AP5Z1: variants seen among roughly 807,000 people sequenced by gnomAD.
The protein encoded by AP5Z1 is AP-5 complex subunit zeta-1.
Under a neutral mutation model 83.0 loss-of-function variants are expected in AP5Z1, and 106 were observed. The observed-to-expected ratio is 1.28, with a 90% confidence interval of 1.09 to 1.50. The LOEUF is 1.50. AP5Z1 is among the 40% of genes most tolerant of loss of function. The pLI, the probability that AP5Z1 is intolerant of heterozygous loss-of-function variation, is 0.00. For missense variants in AP5Z1, 1,565 were observed against 1,094.2 expected, an observed-to-expected ratio of 1.43 and a Z score of -6.07; for synonymous variants, 751 against 514.1, an observed-to-expected ratio of 1.46 and a Z score of -6.23.
chr7:4,787,260 A>G (rs1321167209), intron 10 of AP5Z1, among the ~76,000 whole-genome samples: 3 of 151,964 alleles, frequency 2.0e-5, no homozygotes, highest in Admixed American at 6.6e-5. Flanking sequence ...CGGGAGGCCA[A>G]GGCAGGAGGA....
intron 1 of AP5Z1, 105 bp downstream of exon 1, chr7:4,775,861 C>G: frequency 6.9e-7 from 1 of 1,458,934 alleles, no homozygotes; most frequent in Non-Finnish European, 9.2e-7. Context: ...CTTGCAGGAA[C>G]CCGACTGGAC....
intron 5 of AP5Z1, among the ~76,000 whole-genome samples, 181 bp from the exon 6 acceptor site, chr7:4,784,022 T>C (rs1269012501): frequency 6.6e-6 from 1 of 152,150 alleles, no homozygotes; most frequent in African/African-American, 2.4e-5. Context: ...GAGCAGGGTG[T>C]GCGACGCGCG....
rs372517211 is a variant in AP5Z1 at position 4,788,844 on chromosome 7, G to T, written c.1600G>T (p.Ala534Ser). 201 of 1,605,228 alleles carry T rather than the reference G, an allele frequency of 1.3e-4. No homozygotes were observed. Among genetic ancestry groups the T allele is most frequent in the Non-Finnish European group, 3.4e-5 (40 of 1,176,414 alleles). ...PKASGATERL[A>S]PLHQLLQPMA... ...ACGGCCACACTGTGTCCTCAGGTTG[G>T]CGCCACTCCACCAGCTGCTGCAGCC... The change falls in exon 13 of 17, where the codon GCG becomes TCG. Residue 534 changes from alanine to serine, a missense_variant. Ala to Ser is a moderately conservative substitution (Grantham distance 99). Transcript: ENST00000649063.
At chr7:4,784,165 C>G (rs764892996) in intron 5 of AP5Z1, 38 bp from the exon 6 acceptor site, 1 of 1,543,582 alleles carries the variant, frequency 6.5e-7, no homozygotes, top group East Asian at 2.4e-5. Context: ...TTCCCGGCCT[C>G]GGCCCCCTCC....
At chr7:4,779,172 A>G (rs1315234395) in intron 1 of AP5Z1, among the ~76,000 whole-genome samples, 1 of 143,708 alleles carries the variant, frequency 7.0e-6, no homozygotes, top group African/African-American at 2.5e-5. Flanking sequence ...TATAACATAT[A>G]TAACATAACA....
At position 4,790,741 on chromosome 7, in the gene AP5Z1, G is replaced by A; in HGVS notation, c.2007G>A (p.Lys669=). Reference sequence around the variant, plus strand: ...GGTGCACCGTGGAGCAGATCAACAAGTTCTTCGAAGCCCTGGAGGCTCTGC... The same window carrying A: ...GGTGCACCGTGGAGCAGATCAACAAATTCTTCGAAGCCCTGGAGGCTCTGC... The part of the protein sequence containing the change: ...DRRCTVEQIN[K]FFEALEALLF... Residue 669 remains lysine (K), a synonymous_variant, in exon 16 of 17, where the codon AAG becomes AAA. Coordinates refer to ENST00000649063, the MANE Select transcript of AP5Z1 (RefSeq NM_014855.3). 6.2e-7 allele frequency: 1 copy of A among 1,610,094 alleles called. No homozygotes were observed. The highest frequency in any genetic ancestry group is 8.5e-7 in the Non-Finnish European group (1 of 1,179,068).
intron 1 of AP5Z1, among the ~76,000 whole-genome samples, chr7:4,776,562 C>CAAAAAAAAA (rs55916241): frequency 1.7e-4 from 14 of 82,338 alleles, no homozygotes; most frequent in Admixed American, 3.2e-4. Flanking sequence ...ACTGAAAATA[C>CAAAAAAAAA]AAAAAAAAAA....
In AP5Z1 at chr7:4,791,586, C is replaced by A; in HGVS notation, c.*201C>A. 1 of 763,486 alleles carries A rather than the reference C, an allele frequency of 1.3e-6. No homozygotes were observed. The highest frequency in any genetic ancestry group is 2.0e-5 in the South Asian group (1 of 51,128). The allele number at this position is 763,486 out of a possible 1,614,324, so 47.3% of individuals were successfully genotyped here. ...GGGCTTTGTCTCCGAGCCTTTTGCT[C>A]CCAGGCAACACTGAGCTGAGCTGAG... On this transcript the variant is annotated 3_prime_UTR_variant, in exon 17 of 17. Transcript: ENST00000649063.
intron 13 of AP5Z1, chr7:4,789,158 C>A (rs971303017): frequency 3.2e-5 from 17 of 534,236 alleles, no homozygotes; most frequent in Admixed American, 2.3e-4. Context: ...TCCAGCAGGC[C>A]CCGTTCCCCA....
rs374635444 is a variant in AP5Z1, at chr7:4,791,125, T to C, written c.2164T>C (p.Leu722=). The change falls in exon 17 of 17, where the codon TTG becomes CTG. Residue 722 remains leucine (L), a synonymous_variant. Transcript: ENST00000649063. ...ACCTTCTTTCCCCAGGGCCTCTTTA[T>C]TGCTGTCAAAGATGAGGACCCTGGC... ...SQDLIPRASL[L]LSKMRTLAHS... The C allele has an allele frequency of 7.5e-6, 12 of 1,599,290 alleles. No homozygotes were observed. In the African/African-American group the frequency reaches 1.5e-4, roughly 20 times the overall value.
intron 10 of AP5Z1, 47 bp from the exon 11 acceptor site, chr7:4,787,587 G>C: frequency 6.6e-7 from 1 of 1,526,178 alleles, no homozygotes. Context: ...TCTGCCGCCT[G>C]CTCCACAGCT....
Position 4,787,730 on chromosome 7 carries a change from C to CTGCTGGACCTGCCCTGCTTGACGGCGG in AP5Z1, c.1421_1447dup (p.Pro474_Leu482dup). On this transcript the variant is annotated inframe_insertion, in exon 11 of 17. Coordinates refer to ENST00000649063, the MANE Select transcript of AP5Z1 (RefSeq NM_014855.3). ...CACAGCCCTGGAGATGCTGCACGCGCTGCTGGACCTGCCCTGCTTGACGGC... is the reference window on the plus strand; with the variant it reads ...CACAGCCCTGGAGATGCTGCACGCGCTGCTGGACCTGCCCTGCTTGACGGCGGTGCTGGACCTGCCCTGCTTGACGGC... 1 of 1,547,708 alleles carries CTGCTGGACCTGCCCTGCTTGACGGCGG rather than the reference C, an allele frequency of 6.5e-7. No homozygotes were observed. The highest frequency in any genetic ancestry group is 8.7e-7 in the Non-Finnish European group (1 of 1,148,896).
chr7:4,779,193 C>A (rs1472544797), intron 1 of AP5Z1, among the ~76,000 whole-genome samples: 1 of 144,996 alleles, frequency 6.9e-6, no homozygotes, highest in East Asian at 2.0e-4. Context: ...TATATAACAA[C>A]ATAATATATA....
chr7:4,786,545 C>T, intron 10 of AP5Z1, 117 bp downstream of exon 10: 3 of 1,223,686 alleles, frequency 2.5e-6, no homozygotes, highest in Non-Finnish European at 3.5e-6. Flanking sequence ...CCTGTGAGTC[C>T]CGGGCCTGGA....
chr7:4,791,335 C>G lies in AP5Z1; in HGVS notation c.2374C>G (p.Arg792Gly), dbSNP rs374101536. The G allele has an allele frequency of 1.9e-6, 3 of 1,610,040 alleles. No individual in the cohort carries two copies. The highest frequency in any genetic ancestry group is 2.5e-6 in the Non-Finnish European group (3 of 1,178,818). ...DANTALPLAL[R>G]TVSRLVEREA... is the part of the protein sequence containing the mutation. ...CAACACGGCCCTGCCCCTGGCCCTG[C>G]GCACGGTCAGCCGGCTGGTGGAGAG... is the stretch of plus-strand genomic sequence containing the variant. Residue 792 changes from arginine (R) to glycine (G), a missense_variant, in exon 17 of 17, where the codon CGC (arginine) becomes GGC (glycine). By Grantham distance (125) the Arg-to-Gly change is moderately radical. Coordinates refer to ENST00000649063, the MANE Select transcript of AP5Z1 (RefSeq NM_014855.3).
At position 4,781,422 on chromosome 7, in the gene AP5Z1, C is replaced by T. The variant is rs1372438329; in HGVS notation, c.179+110C>T. The T allele has an allele frequency of 2.6e-6, 4 of 1,562,884 alleles. No individual in the cohort carries two copies. The Admixed American group carries it at 5.3e-5, about 21-fold the overall frequency. Reference sequence around the variant, plus strand: ...CTCCTTGGGGGTTGAGTCATTTGTCCACTTAAACCAGTGCTGAAGGTCCAT... The same window carrying T: ...CTCCTTGGGGGTTGAGTCATTTGTCTACTTAAACCAGTGCTGAAGGTCCAT... On this transcript the variant is annotated intron_variant, in intron 2 of 16. Transcript: ENST00000649063.
intron 1 of AP5Z1, 90 bp from the exon 2 acceptor site, chr7:4,781,083 TAA>T (rs995611802): frequency 1.3e-6 from 2 of 1,501,770 alleles, no homozygotes; most frequent in African/African-American, 2.8e-5. Context: ...TTCTCTTTTC[TAA>T]AGAGGGATTT....
Position 4,788,195 on chromosome 7 carries a change from C to G in AP5Z1, c.1496C>G (p.Ser499Cys). 1.9e-6 allele frequency: 3 copies of G among 1,561,018 alleles called. No individual in the cohort carries two copies. Among genetic ancestry groups the G allele is most frequent in the Non-Finnish European group, 2.6e-6 (3 of 1,153,686 alleles). ...AASERPLWDT[S>C]LRAPSCLEAF... ...TCCGAGAGGCCACTCTGGGACACCTCTCTCAGGGCCCCCAGCTGCCTGGAG... is the reference window on the plus strand; with the variant it reads ...TCCGAGAGGCCACTCTGGGACACCTGTCTCAGGGCCCCCAGCTGCCTGGAG... Residue 499 changes from serine (S) to cysteine (C), a missense_variant, in exon 12 of 17, where the codon TCT becomes TGT. By Grantham distance (112) the Ser-to-Cys change is moderately radical. Coordinates refer to ENST00000649063, the MANE Select transcript of AP5Z1 (RefSeq NM_014855.3).
At chr7:4,788,415 C>A in intron 12 of AP5Z1, 121 bp downstream of exon 12, 1 of 1,261,744 alleles carries the variant, frequency 7.9e-7, no homozygotes, top group Non-Finnish European at 1.1e-6. Context: ...CCACACAAGG[C>A]TGCGTCCCCG....
Sources: gnomAD v4.1 joint callset for allele counts (sites outside exome capture counted in the v4.1 genomes callset) on GRCh38, gnomAD v4.1.1 for gene constraint, MANE v1.5 for transcripts, NCBI Gene and HGNC (gene_info 2026-07-23, HGNC 2026-07-21) for gene names.